TBC1D4: variants seen among roughly 807,000 people sequenced by gnomAD.
TBC1D4 encodes the protein TBC1 domain family member 4.
In TBC1D4, 121 loss-of-function variants were observed where a neutral mutation model predicts 142.5. The ratio of observed to expected loss-of-function variants is 0.85; its 90% CI spans 0.73 to 0.99. The LOEUF is 0.99. Among genes scored for constraint, TBC1D4 ranks in the 50% least tolerant of loss-of-function variants. The probability of loss-of-function intolerance (pLI) is 0.00; values close to 1 mark genes in which losing one functional copy is unlikely to be tolerated. For missense variants in TBC1D4, 1,475 were observed against 1,606.6 expected (o/e 0.92, Z 1.40); for synonymous variants, 630 against 628.2 (o/e 1.00, Z -0.04).
rs766509929 is a variant in TBC1D4, at chr13:75,292,228, T to A, written c.3360A>T (p.Ala1120=). 6 of 1,613,320 alleles carry A rather than the reference T, an allele frequency of 3.7e-6. No individual in the cohort carries two copies. In the South Asian group the frequency reaches 5.5e-5, roughly 15 times the overall value. ...LQGTEVIFKV[A]LSLLSSQETL... is the part of the protein sequence containing the mutation. ...TCTCTTGGCTGCTCAGTAGGCTGAG[T>A]GCAACCTTGAATATAACTTCAGTTC... The change falls in exon 19 of 21, where the codon GCA becomes GCT. Residue 1120 remains alanine (A), a synonymous_variant. Coordinates refer to ENST00000377636, the MANE Select transcript of TBC1D4 (RefSeq NM_014832.5).
chr13:75,386,928 T>C (rs1884213313), intron 1 of TBC1D4, among the ~76,000 whole-genome samples: 1 of 152,178 alleles, frequency 6.6e-6, no homozygotes, highest in African/African-American at 2.4e-5. Flanking sequence ...AATTTAGATC[T>C]TTATCATTAT....
At chr13:75,376,274 A>T (rs1224345970) in intron 1 of TBC1D4, among the ~76,000 whole-genome samples, 1 of 152,250 alleles carries the variant, frequency 6.6e-6, no homozygotes, top group Non-Finnish European at 1.5e-5. Flanking sequence ...CCACCCAAAG[A>T]TAACAAAGCA....
chr13:75,317,032 A>G (rs79319123), intron 12 of TBC1D4, among the ~76,000 whole-genome samples: 3,878 of 152,274 alleles, frequency 0.025, 92 homozygotes, highest in African/African-American at 0.06. Context: ...CAACCTTGCA[A>G]GGTAGATGTC....
At chr13:75,398,443 CAGA>C (rs1161415769) in intron 1 of TBC1D4, among the ~76,000 whole-genome samples, 2 of 152,114 alleles carry the variant, frequency 1.3e-5, no homozygotes, top group African/African-American at 2.4e-5. Context: ...GAAGGCGGGA[CAGA>C]AGAAGATACC....
At chr13:75,324,114 T>C (rs930913150) in intron 11 of TBC1D4, 123 bp downstream of exon 11, 2 of 1,146,366 alleles carry the variant, frequency 1.7e-6, no homozygotes, top group Admixed American at 1.9e-5. Flanking sequence ...AGAAACAGAT[T>C]AGAACAAGCA....
At chr13:75,322,668 G>A (rs1388753338) in intron 11 of TBC1D4, among the ~76,000 whole-genome samples, 1 of 152,054 alleles carries the variant, frequency 6.6e-6, no homozygotes, top group Non-Finnish European at 1.5e-5. Flanking sequence ...AAGGAAACTG[G>A]GATTCTCCAT....
chr13:75,447,152 G>C (rs1033031847), intron 1 of TBC1D4, among the ~76,000 whole-genome samples: 1 of 152,196 alleles, frequency 6.6e-6, no homozygotes, highest in Admixed American at 6.5e-5. Context: ...GACAAATGTA[G>C]AAATAACTGG....
intron 1 of TBC1D4, among the ~76,000 whole-genome samples, chr13:75,402,953 A>C (rs527391556): frequency 1.3e-5 from 2 of 152,214 alleles, no homozygotes; most frequent in Admixed American, 6.5e-5. Context: ...GAAGCTGTGA[A>C]GCCTGCCAGC....
intron 1 of TBC1D4, among the ~76,000 whole-genome samples, chr13:75,405,297 G>C (rs1467285313): frequency 7.0e-6 from 1 of 142,986 alleles, no homozygotes; most frequent in Non-Finnish European, 1.5e-5. Context: ...GAGAGATGGA[G>C]TCTCGCTCTG....
chr13:75,422,195 G>A (rs140275835), intron 1 of TBC1D4, among the ~76,000 whole-genome samples: 1 of 152,186 alleles, frequency 6.6e-6, no homozygotes, highest in Admixed American at 6.5e-5. Context: ...GCAAAGATGA[G>A]TTCATCTGCC....
intron 16 of TBC1D4, among the ~76,000 whole-genome samples, chr13:75,299,823 CAAAAAA>C (rs56719877): frequency 0.014 from 1,491 of 105,922 alleles, 16 homozygotes; most frequent in Admixed American, 0.045. Context: ...TTCTTTCCAG[CAAAAAA>C]AAAAAAAAAA....
At chr13:75,301,974 A>C (rs188076320) in intron 16 of TBC1D4, among the ~76,000 whole-genome samples, 1 of 152,308 alleles carries the variant, frequency 6.6e-6, no homozygotes, top group Admixed American at 6.5e-5. Flanking sequence ...AGCACCCCAT[A>C]ATATGACCTT....
At chr13:75,423,303 T>A (rs754593226) in intron 1 of TBC1D4, among the ~76,000 whole-genome samples, 3 of 152,118 alleles carry the variant, frequency 2.0e-5, no homozygotes, top group Admixed American at 6.5e-5. Flanking sequence ...TCAGAAAATA[T>A]CTTAACAGGT....
At chr13:75,381,263 T>C (rs1883831443) in intron 1 of TBC1D4, among the ~76,000 whole-genome samples, 1 of 152,214 alleles carries the variant, frequency 6.6e-6, no homozygotes, top group African/African-American at 2.4e-5. Flanking sequence ...GAAATCATCA[T>C]GTCCCACAAA....
intron 18 of TBC1D4, among the ~76,000 whole-genome samples, chr13:75,292,486 G>C (rs1419741332): frequency 6.6e-6 from 1 of 151,888 alleles, no homozygotes; most frequent in Admixed American, 6.6e-5. Flanking sequence ...TAAAGCCAGG[G>C]TAAAAAAGGA....
intron 1 of TBC1D4, among the ~76,000 whole-genome samples, chr13:75,470,507 G>A (rs984908147): frequency 4.6e-5 from 7 of 152,124 alleles, no homozygotes; most frequent in African/African-American, 1.4e-4. Context: ...GTAACAAAAC[G>A]TCCAAGGGAG....
intron 3 of TBC1D4, among the ~76,000 whole-genome samples, chr13:75,356,738 C>G (rs142539561): frequency 9.8e-5 from 15 of 152,298 alleles, no homozygotes; most frequent in African/African-American, 3.6e-4. Context: ...TTTATAGACA[C>G]TCAAGCAGCC....
chr13:75,319,905 T>G, intron 12 of TBC1D4, 109 bp downstream of exon 12: 2 of 1,116,838 alleles, frequency 1.8e-6, no homozygotes, highest in Non-Finnish European at 2.6e-6. Context: ...CTCAGAAAGA[T>G]GGCATGCATT....
chr13:75,301,048 G>T (rs1013729710), intron 16 of TBC1D4, among the ~76,000 whole-genome samples: 3 of 152,248 alleles, frequency 2.0e-5, no homozygotes, highest in African/African-American at 7.2e-5. Context: ...TCATCCAAAA[G>T]GAACAGAGGT....
Sources: gnomAD v4.1 joint callset for allele counts (sites outside exome capture counted in the v4.1 genomes callset) on GRCh38, gnomAD v4.1.1 for gene constraint, MANE v1.5 for transcripts, NCBI Gene and HGNC (gene_info 2026-07-23, HGNC 2026-07-21) for gene names.